CTNNA2: variants seen among roughly 807,000 people sequenced by gnomAD.
CTNNA2 encodes catenin alpha-2.
Under a neutral mutation model 101.0 loss-of-function variants are expected in CTNNA2, and 42 were observed. That is an observed-to-expected ratio of 0.42 (90% CI 0.32 to 0.54). CTNNA2 has a LOEUF of 0.54. Among genes scored for constraint, CTNNA2 ranks in the 20% least tolerant of loss-of-function variants. The probability of loss-of-function intolerance (pLI) is 0.14; values close to 1 mark genes in which losing one functional copy is unlikely to be tolerated. For missense variants in CTNNA2, 871 were observed against 1,223.1 expected (o/e 0.71, Z 4.29); for synonymous variants, 450 against 456.4 (o/e 0.99, Z 0.18).
chr2:79,758,821 C>T (rs915274693), intron 3 of CTNNA2, among the ~76,000 whole-genome samples: 1 of 152,064 alleles, frequency 6.6e-6, no homozygotes, highest in African/African-American at 2.4e-5. Flanking sequence ...GTTTAGGTAC[C>T]ACATTTTCTA....
At chr2:80,079,896 A>AAAAT (rs1699031781) in intron 7 of CTNNA2, among the ~76,000 whole-genome samples, 1 of 114,502 alleles carries the variant, frequency 8.7e-6, no homozygotes, top group Non-Finnish European at 2.0e-5. Flanking sequence ...AAAATAAAAT[A>AAAAT]AATAAAATAA....
At chr2:79,630,005 C>A (rs1175130331) in intron 1 of CTNNA2, among the ~76,000 whole-genome samples, 1 of 152,148 alleles carries the variant, frequency 6.6e-6, no homozygotes, top group Non-Finnish European at 1.5e-5. Flanking sequence ...TTCCCCTGCC[C>A]TGTATCATCC....
chr2:79,915,327 A>G (rs933568433), intron 7 of CTNNA2, among the ~76,000 whole-genome samples: 7 of 131,276 alleles, frequency 5.3e-5, no homozygotes, highest in African/African-American at 2.0e-4. Flanking sequence ...ACACACACAC[A>G]CACATTACAC....
chr2:79,207,117 CTAAAG>C (rs1337226213), intron 2 of CTNNA2, among the ~76,000 whole-genome samples: 4 of 152,156 alleles, frequency 2.6e-5, no homozygotes, highest in African/African-American at 7.2e-5. Context: ...AAATACCTCT[CTAAAG>C]TATCAAAAAA....
intron 7 of CTNNA2, among the ~76,000 whole-genome samples, chr2:80,202,818 A>G (rs924763142): frequency 6.6e-6 from 1 of 152,124 alleles, no homozygotes; most frequent in Admixed American, 6.5e-5. Context: ...CTCTCCTTAA[A>G]GCAAATCACA....
intron 1 of CTNNA2, among the ~76,000 whole-genome samples, chr2:79,627,986 T>C (rs1679429825): frequency 6.6e-6 from 1 of 152,192 alleles, no homozygotes; most frequent in Admixed American, 6.5e-5. Context: ...ATATATATTC[T>C]TTGAATATAT....
rs575517736 is a variant in CTNNA2, at chr2:80,648,138, T to C, written c.*266T>C. Reference sequence around the variant, plus strand: ...CATAAAATTGGGCACAGAGTTCGCATTGGCGCAATATTTATGGGAGTGGGA... The same window carrying C: ...CATAAAATTGGGCACAGAGTTCGCACTGGCGCAATATTTATGGGAGTGGGA... On this transcript the variant is annotated 3_prime_UTR_variant, in exon 19 of 19. Transcript: ENST00000402739. 6.5e-5 allele frequency: 18 copies of C among 278,880 alleles called. No individual in the cohort carries two copies. The East Asian group carries it at 7.2e-4, about 11-fold the overall frequency. 17.3% of individuals were successfully genotyped at this position (278,880 alleles called of 1,614,324 possible).
chr2:79,961,240 A>G (rs559194093), intron 7 of CTNNA2, among the ~76,000 whole-genome samples: 1 of 152,142 alleles, frequency 6.6e-6, no homozygotes, highest in Non-Finnish European at 1.5e-5. Flanking sequence ...GGCCTCTACT[A>G]TGTGCTGGGC....
At chr2:79,627,134 A>T (rs1330418790) in intron 1 of CTNNA2, among the ~76,000 whole-genome samples, 1 of 152,176 alleles carries the variant, frequency 6.6e-6, no homozygotes, top group Non-Finnish European at 1.5e-5. Flanking sequence ...ATCTTGTGAG[A>T]TCACCACCCA....
intron 9 of CTNNA2, among the ~76,000 whole-genome samples, chr2:80,475,991 C>T (rs1477804583): frequency 1.3e-5 from 2 of 152,130 alleles, no homozygotes; most frequent in African/African-American, 4.8e-5. Flanking sequence ...GATGGATTTG[C>T]CCTTGTGTGC....
chr2:79,933,433 T>C (rs1318703162), intron 7 of CTNNA2, among the ~76,000 whole-genome samples: 1 of 151,538 alleles, frequency 6.6e-6, no homozygotes, highest in Non-Finnish European at 1.5e-5. Context: ...AATTCAAATC[T>C]AGATCTTTGG....
chr2:80,211,402 A>T (rs531393649), intron 7 of CTNNA2, among the ~76,000 whole-genome samples: 1 of 152,298 alleles, frequency 6.6e-6, no homozygotes, highest in Admixed American at 6.5e-5. Flanking sequence ...TATAAGGTAT[A>T]AGAAAGGGAT....
At chr2:80,589,563 C>A in intron 15 of CTNNA2, 78 bp downstream of exon 15, 1 of 1,391,468 alleles carries the variant, frequency 7.2e-7, no homozygotes, top group Non-Finnish European at 9.7e-7. Flanking sequence ...CATGTGAAAG[C>A]CTGCTGAAAA....
intron 7 of CTNNA2, among the ~76,000 whole-genome samples, chr2:80,177,452 TCTGCTGC>T (rs1480481116): frequency 8.5e-5 from 13 of 152,172 alleles, no homozygotes; most frequent in Non-Finnish European, 1.6e-4. Context: ...AGTGTTGGTC[TCTGCTGC>T]CAGCAAATTG....
chr2:79,495,143 CAACTT>C (rs1671242977), intron 4 of CTNNA2, among the ~76,000 whole-genome samples: 1 of 152,022 alleles, frequency 6.6e-6, no homozygotes, highest in African/African-American at 2.4e-5. Context: ...AAAAAAACAA[CAACTT>C]TTGCGCTGCA....
chr2:80,233,280 C>T (rs937786177), intron 7 of CTNNA2, among the ~76,000 whole-genome samples: 1 of 152,152 alleles, frequency 6.6e-6, no homozygotes, highest in East Asian at 1.9e-4. Context: ...GCAGAGTGCT[C>T]TTCCACAAAG....
intron 1 of CTNNA2, among the ~76,000 whole-genome samples, chr2:79,549,961 G>A (rs1249544696): frequency 6.6e-6 from 1 of 152,122 alleles, no homozygotes; most frequent in African/African-American, 2.4e-5. Flanking sequence ...AATTATATAA[G>A]GGCCAGTAAA....
At chr2:80,407,414 C>T (rs1187192408) in intron 8 of CTNNA2, among the ~76,000 whole-genome samples, 3 of 152,108 alleles carry the variant, frequency 2.0e-5, no homozygotes, top group Non-Finnish European at 4.4e-5. Context: ...CTGATGAAAC[C>T]ATCTAGAACA....
intron 9 of CTNNA2, among the ~76,000 whole-genome samples, chr2:80,496,320 C>T (rs766657357): frequency 2.8e-4 from 42 of 151,640 alleles, no homozygotes; most frequent in Admixed American, 1.6e-3. Flanking sequence ...TGTGAAGAGC[C>T]GGGTGTAATG....
Sources: gnomAD v4.1 joint callset for allele counts (sites outside exome capture counted in the v4.1 genomes callset) on GRCh38, gnomAD v4.1.1 for gene constraint, MANE v1.5 for transcripts, NCBI Gene and HGNC (gene_info 2026-07-23, HGNC 2026-07-21) for gene names.